Variants in RAI14 observed in about 807,000 individuals in gnomAD.
The protein encoded by RAI14 is retinoic acid induced 14.
In RAI14, 45 loss-of-function variants were observed where a neutral mutation model predicts 115.4. The observed-to-expected ratio is 0.39, with a 90% confidence interval of 0.31 to 0.50. The LOEUF is 0.50. Among genes scored for constraint, RAI14 ranks in the 20% least tolerant of loss-of-function variants. The pLI, the probability that RAI14 is intolerant of heterozygous loss-of-function variation, is 0.85. For missense variants in RAI14, 939 were observed against 1,131.2 expected (o/e 0.83, Z 2.44); for synonymous variants, 371 against 415.4 (o/e 0.89, Z 1.30).
intron 7 of RAI14, among the ~76,000 whole-genome samples, chr5:34,809,622 T>C (rs1755346080): frequency 3.4e-5 from 5 of 148,958 alleles, no homozygotes; most frequent in South Asian, 4.2e-4. Flanking sequence ...TTTTTTTTTT[T>C]CTAAACTGGG....
intron 7 of RAI14, among the ~76,000 whole-genome samples, chr5:34,810,048 T>C (rs1755399918): frequency 6.6e-6 from 1 of 152,224 alleles, no homozygotes; most frequent in Non-Finnish European, 1.5e-5. Context: ...AGTTCAGTAC[T>C]TCCTAAGCAG....
At chr5:34,794,252 G>A (rs1348143414) in intron 3 of RAI14, among the ~76,000 whole-genome samples, 5 of 152,038 alleles carry the variant, frequency 3.3e-5, no homozygotes, top group African/African-American at 9.7e-5. Flanking sequence ...GTGAAACCCC[G>A]TCTCTACTAA....
At chr5:34,656,651 ACTGT>A (rs1464782271) in intron 1 of RAI14, 176 bp downstream of exon 1, 4 of 152,286 alleles carry the variant, frequency 2.6e-5, no homozygotes, top group African/African-American at 9.7e-5. Context: ...CCGGCAGCCC[ACTGT>A]CTGCGGAGAG....
intron 2 of RAI14, among the ~76,000 whole-genome samples, chr5:34,752,731 G>GTATA (rs1561312100): frequency 8.1e-5 from 8 of 99,040 alleles, no homozygotes; most frequent in African/African-American, 3.4e-4. Flanking sequence ...GTGTGTGTGT[G>GTATA]TGTGTGTGTG....
chr5:34,700,833 A>G (rs1739973042), intron 2 of RAI14, among the ~76,000 whole-genome samples: 1 of 152,216 alleles, frequency 6.6e-6, no homozygotes, highest in South Asian at 2.1e-4. Flanking sequence ...GTGGTTGAAG[A>G]ACCACACTAA....
At position 34,811,865 on chromosome 5, in the gene RAI14, A is replaced by T. The variant is rs750732269; in HGVS notation, c.656A>T (p.Tyr219Phe). The change falls in exon 9 of 18, where the codon TAC (tyrosine) becomes TTC (phenylalanine). Residue 219 changes from tyrosine to phenylalanine, a missense_variant. Tyr to Phe is a conservative substitution (Grantham distance 22, BLOSUM62 3). Transcript: ENST00000265109. ...ADLNLVDSLG[Y>F]NALHYSKLSE... is the part of the protein sequence containing the mutation. ...CTAAACCTTGTAGATTCTCTTGGAT[A>T]CAATGCCTTACATTATTCCAAACTC... is the stretch of plus-strand genomic sequence containing the variant. 6.2e-7 allele frequency: 1 copy of T among 1,612,814 alleles called. No homozygotes were observed. Among genetic ancestry groups the T allele is most frequent in the Non-Finnish European group, 8.5e-7 (1 of 1,179,062 alleles).
Position 34,813,630 on chromosome 5 carries a change from AG to A in RAI14, c.823del (p.Ala275LeufsTer11). 6.2e-7 allele frequency: 1 copy of A among 1,613,512 alleles called. No homozygotes were observed. The highest frequency in any genetic ancestry group is 8.5e-7 in the Non-Finnish European group (1 of 1,179,512). ...ERSGTPKKRK[A>X]PPPPISPTQL... is the part of the protein sequence containing the mutation. ...GAAGTGGAACTCCAAAAAAACGCAA[AG>A]CTCCACCACCTCCTATCAGTCCTAC... On this transcript the variant is annotated frameshift_variant, in exon 11 of 18. Transcript: ENST00000265109. LOFTEE classifies it high-confidence loss of function.
intron 1 of RAI14, among the ~76,000 whole-genome samples, chr5:34,672,845 C>T (rs1368842465): frequency 6.6e-6 from 1 of 151,890 alleles, no homozygotes; most frequent in Non-Finnish European, 1.5e-5. Context: ...CACCCCATAC[C>T]CCAGGGAAAC....
At chr5:34,746,945 A>C (rs942244651) in intron 2 of RAI14, among the ~76,000 whole-genome samples, 2 of 152,142 alleles carry the variant, frequency 1.3e-5, no homozygotes, top group African/African-American at 2.4e-5. Flanking sequence ...TGGGTTTATC[A>C]GGGATTTCTG....
intron 3 of RAI14, among the ~76,000 whole-genome samples, chr5:34,763,512 G>A (rs1001480844): frequency 2.6e-5 from 4 of 152,110 alleles, no homozygotes; most frequent in African/African-American, 9.7e-5. Flanking sequence ...TAATCTAGTT[G>A]GGAGGTACTC....
intron 4 of RAI14, among the ~76,000 whole-genome samples, chr5:34,800,506 G>T (rs552045521): frequency 6.6e-6 from 1 of 152,240 alleles, no homozygotes; most frequent in South Asian, 2.1e-4. Context: ...ATTTCGTCCA[G>T]AAAATTTTGC....
At chr5:34,821,632 A>G (rs1756840859) in intron 13 of RAI14, 100 bp from the exon 14 acceptor site, 4 of 722,260 alleles carry the variant, frequency 5.5e-6, no homozygotes, top group Non-Finnish European at 7.1e-6. Context: ...AATTAGGGCC[A>G]GGAAGAAGAA....
intron 1 of RAI14, among the ~76,000 whole-genome samples, chr5:34,665,961 G>T (rs137865334): frequency 6.6e-6 from 1 of 152,270 alleles, no homozygotes; most frequent in Non-Finnish European, 1.5e-5. Flanking sequence ...CCATTTTTAG[G>T]ATCTATTTCT....
At chr5:34,794,534 T>C (rs1225313620) in intron 3 of RAI14, among the ~76,000 whole-genome samples, 2 of 152,224 alleles carry the variant, frequency 1.3e-5, no homozygotes, top group African/African-American at 4.8e-5. Flanking sequence ...AAATAGATAT[T>C]ACACATAGAT....
At chr5:34,683,869 A>T (rs1290752278) in intron 1 of RAI14, among the ~76,000 whole-genome samples, 1 of 152,012 alleles carries the variant, frequency 6.6e-6, no homozygotes, top group Admixed American at 6.6e-5. Context: ...CTGGGACTAC[A>T]GGCGCCCGCC....
intron 1 of RAI14, among the ~76,000 whole-genome samples, chr5:34,670,682 A>G (rs1460992998): frequency 1.3e-5 from 2 of 152,118 alleles, no homozygotes; most frequent in Non-Finnish European, 2.9e-5. Flanking sequence ...CTTCTGTTCA[A>G]TTTGCAACTG....
At chr5:34,780,307 G>C (rs1277217912) in intron 3 of RAI14, among the ~76,000 whole-genome samples, 2 of 152,144 alleles carry the variant, frequency 1.3e-5, no homozygotes, top group Non-Finnish European at 2.9e-5. Flanking sequence ...CAGGACATAG[G>C]CATGGGCAAG....
chr5:34,823,735 A>G lies in RAI14; in HGVS notation c.1893A>G (p.Lys631=). 6.2e-7 allele frequency: 1 copy of G among 1,614,222 alleles called. No individual in the cohort carries two copies. Among genetic ancestry groups the G allele is most frequent in the Non-Finnish European group, 8.5e-7 (1 of 1,180,046 alleles). The change falls in exon 15 of 18, where the codon AAA becomes AAG. Residue 631 remains lysine, a synonymous_variant. Coordinates refer to ENST00000265109, the MANE Select transcript of RAI14 (RefSeq NM_015577.3). This position sits in a 1 kb window ranked among gnomAD's most constrained non-coding sequence, Gnocchi z 4.5. ...QEASDEAEDM[K]EAMNRMIDEL... ...CCAGTGATGAAGCTGAGGACATGAA[A>G]GAAGCCATGAATAGGATGATAGATG...
Position 34,813,222 on chromosome 5 carries a change from G to A in RAI14, c.766-352G>A, listed in dbSNP as rs192254002. ...TAAAAAAAGGAATGGAAGTAATGCAGACGTGTGGGAAATACCATTGCTTTT... is the reference window on the plus strand; with the variant it reads ...TAAAAAAAGGAATGGAAGTAATGCAAACGTGTGGGAAATACCATTGCTTTT... On this transcript the variant is annotated intron_variant, in intron 10 of 17. Transcript: ENST00000265109. 1.7e-4 allele frequency among the ~76,000 whole-genome samples: 26 copies of A among 152,258 alleles called. 1 individual carries two copies. In the East Asian group the frequency reaches 5.0e-3, roughly 29 times the overall value.
Sources: gnomAD v4.1 joint callset for allele counts (sites outside exome capture counted in the v4.1 genomes callset) on GRCh38, gnomAD v4.1.1 for gene constraint, Gnocchi (gnomAD v3.1) non-coding constraint, MANE v1.5 for transcripts, NCBI Gene and HGNC (gene_info 2026-07-23, HGNC 2026-07-21) for gene names.